Variants in IRGM observed in about 807,000 individuals in gnomAD.
IRGM encodes immunity related GTPase M.
For synonymous variants in IRGM, 98 were observed against 80.6 expected (o/e 1.22, Z -1.16); for missense variants, 288 against 219.9 (o/e 1.31, Z -1.96).
chr5:150,883,142 A>C (rs1754469675), intron 3 of IRGM, among the ~76,000 whole-genome samples: 1 of 152,108 alleles, frequency 6.6e-6, no homozygotes, highest in African/African-American at 2.4e-5. Context: ...ATTTAAAGGA[A>C]AACTAAAAAA....
At chr5:150,901,332 T>A (rs369478654), downstream of IRGM, among the ~76,000 whole-genome samples, 3 of 152,100 alleles carry the variant, frequency 2.0e-5, no homozygotes, top group African/African-American at 4.8e-5. Flanking sequence ...CATATATTAC[T>A]CAAGATATCG....
downstream of IRGM, among the ~76,000 whole-genome samples, chr5:150,851,731 G>C (rs931702747): frequency 6.6e-6 from 1 of 152,164 alleles, no homozygotes; most frequent in Non-Finnish European, 1.5e-5. Context: ...TTCCCTCCTT[G>C]TAACCACTGA....
rs759880876 is a variant in IRGM at position 150,848,052 on chromosome 5, C to G, written c.-72C>G. Reference sequence around the variant, plus strand: ...TCCTGACCTCGTGATCTGCTCGCCTCGGCCTTCCAAAGTGCTGGGATTACA... The same window carrying G: ...TCCTGACCTCGTGATCTGCTCGCCTGGGCCTTCCAAAGTGCTGGGATTACA... On this transcript the variant is annotated 5_prime_UTR_variant, in exon 2 of 2. Transcript: ENST00000522154. 5 of 1,223,494 alleles carry G rather than the reference C, an allele frequency of 4.1e-6. No individual in the cohort carries two copies. In the African/African-American group the frequency reaches 4.6e-5, roughly 11 times the overall value. 75.8% of individuals were successfully genotyped at this position (1,223,494 alleles called of 1,614,324 possible). A position where few individuals can be genotyped will look rare whatever the true frequency, so the allele number is the denominator to read the frequency against.
downstream of IRGM, among the ~76,000 whole-genome samples, chr5:150,852,175 T>C (rs1214843857): frequency 6.6e-6 from 1 of 152,194 alleles, no homozygotes; most frequent in Non-Finnish European, 1.5e-5. Flanking sequence ...GCTTTGACAG[T>C]TTGACCTCCG....
intron 1 of IRGM, among the ~76,000 whole-genome samples, chr5:150,865,374 A>G (rs1328168687): frequency 6.6e-6 from 1 of 152,102 alleles, no homozygotes; most frequent in Non-Finnish European, 1.5e-5. Context: ...AAACTCAAAT[A>G]TATCAAAATT....
At chr5:150,894,015 G>A (rs1264247652) in intron 3 of IRGM, among the ~76,000 whole-genome samples, 4 of 151,908 alleles carry the variant, frequency 2.6e-5, no homozygotes, top group African/African-American at 9.7e-5. Context: ...CCTGTCCAGT[G>A]TGCCCTCTAC....
intron 3 of IRGM, among the ~76,000 whole-genome samples, chr5:150,885,938 C>T (rs548814726): frequency 1.3e-5 from 2 of 152,120 alleles, no homozygotes; most frequent in African/African-American, 4.8e-5. Context: ...CTAGGGCTTC[C>T]AATATTATGT....
At chr5:150,897,873 C>CAT (rs112293233) in intron 3 of IRGM, 24,252 of 576,716 alleles carry the variant, frequency 0.042, 598 homozygotes, top group East Asian at 0.14. Flanking sequence ...CAAATATAAA[C>CAT]ATATATATAT....
intron 1 of IRGM, among the ~76,000 whole-genome samples, chr5:150,855,992 A>G (rs1754043596): frequency 6.6e-6 from 1 of 152,182 alleles, no homozygotes; most frequent in Admixed American, 6.5e-5. Flanking sequence ...TTTAACTTCA[A>G]AACTCAAGAG....
chr5:150,865,790 TC>T (rs761371861), intron 1 of IRGM, among the ~76,000 whole-genome samples: 12 of 152,150 alleles, frequency 7.9e-5, no homozygotes, highest in Non-Finnish European at 1.8e-4. Flanking sequence ...GGAGTCTTAC[TC>T]TGTTGCCCAG....
At chr5:150,895,682 T>C (rs1384037268) in intron 3 of IRGM, 3 of 1,612,714 alleles carry the variant, frequency 1.9e-6, no homozygotes, top group African/African-American at 2.7e-5. Context: ...ATATATAAGG[T>C]TTTTCTCCTG....
intron 2 of IRGM, among the ~76,000 whole-genome samples, chr5:150,878,545 A>G (rs7715981): frequency 0.21 from 31,897 of 151,948 alleles, 5,423 homozygotes; most frequent in African/African-American, 0.45. Context: ...AAATAAAAAC[A>G]TAGAAAGGGT....
intron 3 of IRGM, among the ~76,000 whole-genome samples, chr5:150,885,631 C>G (rs1221912200): frequency 6.6e-6 from 1 of 151,912 alleles, no homozygotes; most frequent in Non-Finnish European, 1.5e-5. Flanking sequence ...GATCATTCAC[C>G]TCTCCGGTTA....
downstream of IRGM, among the ~76,000 whole-genome samples, chr5:150,850,480 T>G (rs144829741): frequency 6.6e-6 from 1 of 152,234 alleles, no homozygotes; most frequent in Non-Finnish European, 1.5e-5. Flanking sequence ...CTCATGTATA[T>G]ATACAATAGT....
chr5:150,852,304 A>G (rs1287116825), downstream of IRGM, among the ~76,000 whole-genome samples: 8 of 152,234 alleles, frequency 5.3e-5, no homozygotes, highest in Admixed American at 4.6e-4. Context: ...TTATGTTTTA[A>G]AAACCTTAGT....
chr5:150,880,193 A>G (rs1393431640), intron 3 of IRGM, among the ~76,000 whole-genome samples: 1 of 152,156 alleles, frequency 6.6e-6, no homozygotes, highest in Non-Finnish European at 1.5e-5. Flanking sequence ...ATTGTGGGAG[A>G]TATGAACAGC....
intron 1 of IRGM, among the ~76,000 whole-genome samples, chr5:150,870,514 T>C (rs1268152372): frequency 7.0e-6 from 1 of 142,436 alleles, no homozygotes; most frequent in Non-Finnish European, 1.5e-5. Flanking sequence ...AACTCCTTTT[T>C]TTTTTTTTTT....
rs1290993470 is a variant in IRGM at position 150,848,345 on chromosome 5, A to T, written c.222A>T (p.Arg74Ser). Residue 74 changes from arginine to serine, a missense_variant, in exon 2 of 2, where the codon AGA becomes AGT. Arg to Ser is a moderately radical substitution (Grantham distance 110). Coordinates refer to ENST00000522154, the MANE Select transcript of IRGM (RefSeq NM_001145805.2). ...PPTELVKATQ[R>S]CASYFSSHFS... ...CTGAGCTGGTAAAAGCTACCCAAAGATGTGCCTCCTATTTCTCTTCCCACT... is the reference window on the plus strand; with the variant it reads ...CTGAGCTGGTAAAAGCTACCCAAAGTTGTGCCTCCTATTTCTCTTCCCACT... 4 of 1,551,698 alleles carry T rather than the reference A, an allele frequency of 2.6e-6. No homozygotes were observed. The African/African-American group carries it at 4.1e-5, about 16-fold the overall frequency.
chr5:150,859,605 G>T (rs1169469417), intron 1 of IRGM, among the ~76,000 whole-genome samples: 4 of 152,096 alleles, frequency 2.6e-5, no homozygotes, highest in South Asian at 4.1e-4. Flanking sequence ...CAATTTCAGA[G>T]CCTGTTATTG....
Sources: allele counts gnomAD v4.1 joint callset (sites outside exome capture counted in the v4.1 genomes callset), GRCh38; gene constraint gnomAD v4.1.1; transcripts MANE v1.5; gene names NCBI Gene and HGNC (gene_info 2026-07-23, HGNC 2026-07-21).